LSAMP: variants seen among roughly 807,000 people sequenced by gnomAD.
The protein encoded by LSAMP is limbic system-associated membrane protein.
In LSAMP, 7 loss-of-function variants were observed where a neutral mutation model predicts 38.6. The ratio of observed to expected loss-of-function variants is 0.18; its 90% CI spans 0.10 to 0.34. LSAMP has a LOEUF of 0.34. Ranked by LOEUF, LSAMP falls within the 10% of genes least tolerant of loss-of-function variation. The probability of loss-of-function intolerance (pLI) is 1.00; values close to 1 mark genes in which losing one functional copy is unlikely to be tolerated. For synonymous variants in LSAMP, 154 were observed against 166.8 expected, an observed-to-expected ratio of 0.92 and a Z score of 0.59; for missense variants, 313 against 420.0, an observed-to-expected ratio of 0.75 and a Z score of 2.23.
intron 6 of LSAMP, among the ~76,000 whole-genome samples, chr3:115,825,491 C>T (rs930455826): frequency 2.6e-5 from 4 of 152,154 alleles, no homozygotes; most frequent in East Asian, 3.8e-4. Context: ...ATCAAACCTC[C>T]TTACTGAAAA....
intron 3 of LSAMP, among the ~76,000 whole-genome samples, chr3:115,997,713 G>GATACATATAT (rs1939854435): frequency 1.1e-5 from 1 of 91,658 alleles, no homozygotes; most frequent in Non-Finnish European, 2.1e-5. Context: ...GACATTTTGG[G>GATACATATAT]ATATATATAT....
intron 1 of LSAMP, among the ~76,000 whole-genome samples, chr3:116,296,153 G>C (rs6775293): frequency 0.24 from 37,059 of 152,058 alleles, 7,640 homozygotes; most frequent in African/African-American, 0.56. Flanking sequence ...AGCTAATTCC[G>C]TCCCAGTCTT....
At chr3:116,101,445 TTG>T (rs1475179667) in intron 1 of LSAMP, among the ~76,000 whole-genome samples, 5 of 152,194 alleles carry the variant, frequency 3.3e-5, no homozygotes, top group African/African-American at 7.2e-5. Context: ...CATGTAATAA[TTG>T]TGCATATTCA....
chr3:115,858,439 C>T (rs1935575673), intron 3 of LSAMP, among the ~76,000 whole-genome samples: 1 of 152,074 alleles, frequency 6.6e-6, no homozygotes, highest in Admixed American at 6.5e-5. Context: ...TAAATTGGAG[C>T]ACTTTGTGAC....
intron 1 of LSAMP, among the ~76,000 whole-genome samples, chr3:116,252,242 C>T (rs1027935514): frequency 6.6e-6 from 1 of 152,160 alleles, no homozygotes; most frequent in Non-Finnish European, 1.5e-5. Flanking sequence ...ATTGATGGTA[C>T]CCACTTAAGG....
At chr3:116,380,681 A>G (rs1397841180) in intron 1 of LSAMP, among the ~76,000 whole-genome samples, 2 of 152,106 alleles carry the variant, frequency 1.3e-5, no homozygotes, top group African/African-American at 2.4e-5. Flanking sequence ...CTATAACTTA[A>G]TGCATTCTGG....
At chr3:116,149,533 G>A (rs1709563289) in intron 1 of LSAMP, among the ~76,000 whole-genome samples, 1 of 151,930 alleles carries the variant, frequency 6.6e-6, no homozygotes, top group Non-Finnish European at 1.5e-5. Context: ...TTGTCAGCGA[G>A]GTCTAATGCA....
In LSAMP at chr3:115,810,430, GGA is replaced by G. The variant is rs753693151; in HGVS notation, c.920-18_920-17del. 1 of 1,579,268 alleles carries G rather than the reference GGA, an allele frequency of 6.3e-7. No individual in the cohort carries two copies. Among genetic ancestry groups the G allele is most frequent in the Non-Finnish European group, 8.7e-7 (1 of 1,149,582 alleles). ...GACCCAGGTCCTGCAGAGCAAAAGA[GGA>G]GAGAGAAAAAGAGAATGAGTTACAT... On this transcript the variant is annotated splice_polypyrimidine_tract_variant and intron_variant, in intron 6 of 6. Transcript: ENST00000490035.
intron 2 of LSAMP, among the ~76,000 whole-genome samples, chr3:116,035,029 G>T (rs550547043): frequency 6.6e-6 from 1 of 152,262 alleles, no homozygotes; most frequent in South Asian, 2.1e-4. Flanking sequence ...TCAGGTTTCA[G>T]CTATAAGCCA....
chr3:116,078,244 A>G (rs182483520), intron 2 of LSAMP, among the ~76,000 whole-genome samples: 171 of 151,604 alleles, frequency 1.1e-3, no homozygotes, highest in African/African-American at 3.9e-3. Flanking sequence ...TCTATTAGTT[A>G]GCATTCTATA....
chr3:115,863,041 G>C (rs1164217271), intron 3 of LSAMP, among the ~76,000 whole-genome samples: 1 of 152,182 alleles, frequency 6.6e-6, no homozygotes, highest in East Asian at 1.9e-4. Context: ...GCAGCGATTT[G>C]TCTCCACTGC....
At chr3:116,420,593 G>A (rs1244953284) in intron 1 of LSAMP, among the ~76,000 whole-genome samples, 2 of 152,136 alleles carry the variant, frequency 1.3e-5, no homozygotes, top group East Asian at 3.9e-4. Context: ...TGGGCCGGGC[G>A]CGGTGGCTCC....
At chr3:116,128,137 A>C (rs1383068928) in intron 1 of LSAMP, among the ~76,000 whole-genome samples, 1 of 152,196 alleles carries the variant, frequency 6.6e-6, no homozygotes, top group African/African-American at 2.4e-5. Context: ...TCCATGTCTT[A>C]GGAAATGTCC....
chr3:115,818,667 C>A lies in LSAMP; in HGVS notation c.920-8253G>T, dbSNP rs567217018. 1.2e-4 allele frequency among the ~76,000 whole-genome samples: 18 copies of A among 148,934 alleles called. No homozygotes were observed. The South Asian group carries it at 2.2e-3, about 18-fold the overall frequency. On this transcript the variant is annotated intron_variant, in intron 6 of 6. Coordinates refer to ENST00000490035, the MANE Select transcript of LSAMP (RefSeq NM_002338.5). ...TCCCTTCTAGACAGGATTATTAGTG[C>A]AATTTTAGTGGAGAGAGAAAAATAC...
At chr3:115,905,978 CA>C (rs1311676762) in intron 3 of LSAMP, among the ~76,000 whole-genome samples, 1 of 152,128 alleles carries the variant, frequency 6.6e-6, no homozygotes, top group African/African-American at 2.4e-5. Context: ...GAGACTAGTA[CA>C]AGACTGGAAA....
intron 1 of LSAMP, among the ~76,000 whole-genome samples, chr3:116,104,705 C>T (rs536600025): frequency 8.5e-5 from 13 of 152,258 alleles, no homozygotes; most frequent in African/African-American, 3.1e-4. Flanking sequence ...AGTGAACTAC[C>T]TCACGTCTCT....
chr3:116,082,617 C>T (rs1707895732), intron 2 of LSAMP, among the ~76,000 whole-genome samples: 1 of 152,028 alleles, frequency 6.6e-6, no homozygotes, highest in African/African-American at 2.4e-5. Flanking sequence ...TTCAGAATAG[C>T]AAAAACATGG....
intron 1 of LSAMP, among the ~76,000 whole-genome samples, chr3:116,237,923 T>C (rs184589295): frequency 5.3e-5 from 8 of 152,340 alleles, no homozygotes; most frequent in South Asian, 2.1e-4. Flanking sequence ...CTTGGCACTA[T>C]TGACATTTTG....
intron 3 of LSAMP, among the ~76,000 whole-genome samples, chr3:115,953,483 G>A (rs1938359956): frequency 1.3e-5 from 2 of 150,154 alleles, no homozygotes; most frequent in South Asian, 4.2e-4. Context: ...TTGTAGATCA[G>A]CAATTTGGGG....
Sources: allele counts gnomAD v4.1 joint callset (sites outside exome capture counted in the v4.1 genomes callset), GRCh38; gene constraint gnomAD v4.1.1; transcripts MANE v1.5; gene names NCBI Gene and HGNC (gene_info 2026-07-23, HGNC 2026-07-21).